Variants in EEF1D observed in about 807,000 individuals in gnomAD.
EEF1D encodes elongation factor 1-delta.
Under a neutral mutation model 63.9 loss-of-function variants are expected in EEF1D, and 47 were observed. The ratio of observed to expected loss-of-function variants is 0.74; its 90% CI spans 0.58 to 0.94. The LOEUF (loss-of-function observed/expected upper bound fraction) is 0.94. Among genes scored for constraint, EEF1D ranks in the 40% least tolerant of loss-of-function variants. The probability of loss-of-function intolerance (pLI) is 0.00; values close to 1 mark genes in which losing one functional copy is unlikely to be tolerated. For missense variants in EEF1D, 907 were observed against 899.0 expected (o/e 1.01, Z -0.11); for synonymous variants, 412 against 386.1 (o/e 1.07, Z -0.79).
chr8:143,588,779 A>C, intron 3 of EEF1D: 1 of 660,304 alleles, frequency 1.5e-6, no homozygotes, highest in Non-Finnish European at 2.5e-6. Context: ...GCAGCCTGGA[A>C]CTTTGTAACC....
chr8:143,590,086 C>T lies in EEF1D; in HGVS notation c.1-5G>A, dbSNP rs375747373. ...GGAGGCCTTCCCGCTCCTCATCTTC[C>T]GGACACAGCGATAAAAAGCAAGCAG... On this transcript the variant is annotated splice_region_variant and splice_polypyrimidine_tract_variant and intron_variant, in intron 2 of 9. Coordinates refer to ENST00000618139, the MANE Select transcript of EEF1D (RefSeq NM_001130053.5). The T allele has an allele frequency of 6.3e-5, 101 of 1,598,344 alleles. No homozygotes were observed. The Middle Eastern group carries it at 1.5e-3, about 24-fold the overall frequency.
chr8:143,595,818 A>T (rs1828707443), intron 1 of EEF1D, among the ~76,000 whole-genome samples: 1 of 152,196 alleles, frequency 6.6e-6, no homozygotes, highest in Non-Finnish European at 1.5e-5. Flanking sequence ...CTGGAACCCC[A>T]GACAATACCC....
chr8:143,588,078 G>A (rs1187882279), intron 3 of EEF1D, among the ~76,000 whole-genome samples: 1 of 152,200 alleles, frequency 6.6e-6, no homozygotes, highest in African/African-American at 2.4e-5. Context: ...TCGGCAAGGA[G>A]GGACCAGGCC....
intron 2 of EEF1D, chr8:143,590,451 A>G: frequency 1.1e-6 from 1 of 933,128 alleles, no homozygotes; most frequent in Non-Finnish European, 1.5e-6. Context: ...TTTATCTGAA[A>G]TAAGCTTTAA....
chr8:143,586,990 G>T, intron 3 of EEF1D, 138 bp from the exon 4 acceptor site: 2 of 1,217,312 alleles, frequency 1.6e-6, no homozygotes, highest in Non-Finnish European at 2.3e-6. Context: ...CACCAAGCCC[G>T]TAAGCCCTCA....
chr8:143,582,561 A>C (rs2130845209), intron 5 of EEF1D: 1 of 152,376 alleles, frequency 6.6e-6, no homozygotes, highest in Middle Eastern at 3.4e-3. Context: ...CCCACACAGC[A>C]GGCCCAAGGA....
At chr8:143,593,645 G>A (rs1197050151) in intron 1 of EEF1D, among the ~76,000 whole-genome samples, 1 of 152,184 alleles carries the variant, frequency 6.6e-6, no homozygotes, top group Admixed American at 6.5e-5. Flanking sequence ...GGAGGCAGCT[G>A]CCCCATGGGA....
chr8:143,588,475 T>C (rs987113793), intron 3 of EEF1D, among the ~76,000 whole-genome samples: 1 of 152,232 alleles, frequency 6.6e-6, no homozygotes, highest in Non-Finnish European at 1.5e-5. Context: ...ACCAGCCACA[T>C]GCCCATGCAT....
Position 143,589,793 on chromosome 8 carries a change from C to T in EEF1D, c.289G>A (p.Gly97Ser), listed in dbSNP as rs762354014. 2.7e-5 allele frequency: 43 copies of T among 1,581,322 alleles called. No individual in the cohort carries two copies. Among genetic ancestry groups the T allele is most frequent in the Middle Eastern group, 1.7e-4 (1 of 5,930 alleles). The change falls in exon 3 of 10, where the codon GGC (glycine) becomes AGC (serine). Residue 97 changes from glycine to serine, a missense_variant. Gly to Ser is a moderately conservative substitution (Grantham distance 56). Coordinates refer to ENST00000618139, the MANE Select transcript of EEF1D (RefSeq NM_001130053.5). Reference sequence around the variant, plus strand: ...CCCAGGAGGGCCAGGTCCGCGGGGCCGAGCCCGCTCTTGGGGGAGCGCTTC... The same window carrying T: ...CCCAGGAGGGCCAGGTCCGCGGGGCTGAGCCCGCTCTTGGGGGAGCGCTTC... ...KRKRSPKSGL[G>S]PADLALLGLS...
intron 4 of EEF1D, 118 bp from the exon 5 acceptor site, chr8:143,586,408 A>G (rs905959475): frequency 1.3e-4 from 135 of 1,015,532 alleles, no homozygotes; most frequent in South Asian, 1.1e-3. Context: ...AGTACTGCAC[A>G]GAACGAGAGC....
chr8:143,582,683 G>C (rs1272347021), intron 5 of EEF1D: 1 of 152,262 alleles, frequency 6.6e-6, no homozygotes, highest in Non-Finnish European at 1.5e-5. Context: ...CACTAGGCCA[G>C]AGCCCACAGC....
intron 7 of EEF1D, 28 bp from the exon 8 acceptor site, chr8:143,580,755 C>A (rs777437275): frequency 6.2e-7 from 1 of 1,608,104 alleles, no homozygotes; most frequent in Non-Finnish European, 8.5e-7. Context: ...ACAGGAGGCA[C>A]GGCTGAGACG....
chr8:143,582,458 G>C (rs1336457567), intron 5 of EEF1D: 3 of 152,362 alleles, frequency 2.0e-5, no homozygotes, highest in Admixed American at 2.0e-4. Context: ...GGGGCGCCAG[G>C]GGGCATGGAG....
At position 143,586,300 on chromosome 8, in the gene EEF1D, G is replaced by A. The variant is rs1351495207; in HGVS notation, c.1216-10C>T. 3.2e-6 allele frequency: 5 copies of A among 1,558,332 alleles called. No homozygotes were observed. The South Asian group carries it at 4.9e-5, about 15-fold the overall frequency. Reference sequence around the variant, plus strand: ...CGCTGGCGCCGTTCTCCTGCAGACAGTGCAGAAAGAACCAGTCTTTTTTTT... The same window carrying A: ...CGCTGGCGCCGTTCTCCTGCAGACAATGCAGAAAGAACCAGTCTTTTTTTT... On this transcript the variant is annotated splice_polypyrimidine_tract_variant and intron_variant, in intron 4 of 9. Transcript: ENST00000618139.
chr8:143,580,562 T>C lies in EEF1D; in HGVS notation c.1654A>G (p.Lys552Glu), dbSNP rs766513187. 20 of 1,613,132 alleles carry C rather than the reference T, an allele frequency of 1.2e-5. No individual in the cohort carries two copies. Among genetic ancestry groups the C allele is most frequent in the Middle Eastern group, 1.7e-4 (1 of 5,870 alleles). ...EERLRQYAEK[K>E]AKKPALVAKS... is the part of the protein sequence containing the mutation. ...GCCACCAGTGCAGGCTTCTTGGCCT[T>C]CTTCTCCGCGTACTGCCGTAGCCGC... The change falls in exon 8 of 10, where the codon AAG becomes GAG. Residue 552 changes from lysine (K) to glutamate (E), a missense_variant. Lys to Glu is a moderately conservative substitution (Grantham distance 56). Coordinates refer to ENST00000618139, the MANE Select transcript of EEF1D (RefSeq NM_001130053.5).
At chr8:143,581,192 C>T in intron 6 of EEF1D, 37 bp downstream of exon 6, 4 of 1,612,750 alleles carry the variant, frequency 2.5e-6, no homozygotes, top group South Asian at 1.1e-5. Flanking sequence ...ATGGCAGGGG[C>T]CAGGGACAGC....
At chr8:143,588,821 G>C (rs1485960355) in intron 3 of EEF1D, 170 bp downstream of exon 3, 1 of 910,322 alleles carries the variant, frequency 1.1e-6, no homozygotes, top group Admixed American at 2.9e-5. Flanking sequence ...CACAAGCGCA[G>C]CACCACCTTT....
At chr8:143,587,038 G>A in intron 3 of EEF1D, 186 bp from the exon 4 acceptor site, 1 of 719,016 alleles carries the variant, frequency 1.4e-6, no homozygotes, top group Non-Finnish European at 2.2e-6. Context: ...TCCAGACGAG[G>A]AGTTCTCAAA....
intron 3 of EEF1D, chr8:143,587,654 T>G (rs1406400718): frequency 1.3e-5 from 2 of 152,220 alleles, no homozygotes; most frequent in Non-Finnish European, 2.9e-5. Flanking sequence ...ATTGCTAATG[T>G]GGTAAAAATC....
Sources: allele counts gnomAD v4.1 joint callset (sites outside exome capture counted in the v4.1 genomes callset), GRCh38; gene constraint gnomAD v4.1.1; transcripts MANE v1.5; gene names NCBI Gene and HGNC (gene_info 2026-07-23, HGNC 2026-07-21).